The following ADAMTSL1 variants were observed in gnomAD, a reference collection of about 807,000 sequenced individuals.
ADAMTSL1 encodes ADAMTS-like protein 1.
Under a neutral mutation model 201.8 loss-of-function variants are expected in ADAMTSL1, and 126 were observed. The ratio of observed to expected loss-of-function variants is 0.62; its 90% CI spans 0.54 to 0.72. The LOEUF (loss-of-function observed/expected upper bound fraction) is 0.72, where lower values mean the gene tolerates loss of function less well. ADAMTSL1 is among the 30% of genes least tolerant of loss of function. The pLI is 0.00. For missense variants in ADAMTSL1, 2,679 were observed against 2,277.8 expected (o/e 1.18, Z -3.59); for synonymous variants, 1,121 against 903.4 (o/e 1.24, Z -4.32).
intron 1 of ADAMTSL1, among the ~76,000 whole-genome samples, chr9:17,986,088 A>G (rs1385504469): frequency 6.6e-6 from 1 of 152,110 alleles, no homozygotes; most frequent in Non-Finnish European, 1.5e-5. Context: ...GCCAACAAAT[A>G]CCAATTCAGT....
intron 20 of ADAMTSL1, among the ~76,000 whole-genome samples, chr9:18,804,225 A>AT (rs1401044154): frequency 6.6e-6 from 1 of 152,172 alleles, no homozygotes; most frequent in Non-Finnish European, 1.5e-5. Context: ...ACTCTGTTGT[A>AT]TTTTGGGGAA....
intron 22 of ADAMTSL1, among the ~76,000 whole-genome samples, chr9:18,828,025 A>G (rs77285124): frequency 6.6e-6 from 1 of 152,176 alleles, no homozygotes; most frequent in Non-Finnish European, 1.5e-5. Flanking sequence ...CTGAGATTTC[A>G]CCCCAAGTTC....
chr9:17,926,526 C>T (rs570504268), intron 1 of ADAMTSL1, among the ~76,000 whole-genome samples: 31 of 152,114 alleles, frequency 2.0e-4, no homozygotes, highest in Non-Finnish European at 3.8e-4. Flanking sequence ...GAGAGTGCTG[C>T]TCTAAATAAA....
chr9:18,865,914 C>G (rs979422798), intron 23 of ADAMTSL1, among the ~76,000 whole-genome samples: 8 of 151,896 alleles, frequency 5.3e-5, no homozygotes, highest in Non-Finnish European at 1.0e-4. Flanking sequence ...GGAAATGCTC[C>G]GCATATACGT....
chr9:18,018,207 G>A (rs1820336288), intron 1 of ADAMTSL1, among the ~76,000 whole-genome samples: 1 of 152,108 alleles, frequency 6.6e-6, no homozygotes. Context: ...GATAATCACA[G>A]TAGTGGTGAT....
intron 1 of ADAMTSL1, among the ~76,000 whole-genome samples, chr9:18,031,153 A>G (rs1012123569): frequency 4.6e-5 from 7 of 152,112 alleles, no homozygotes; most frequent in Non-Finnish European, 1.0e-4. Context: ...TTCTATGTCT[A>G]TGCTTCAGAC....
At chr9:17,983,313 C>T (rs762030232) in intron 1 of ADAMTSL1, among the ~76,000 whole-genome samples, 6 of 152,000 alleles carry the variant, frequency 3.9e-5, no homozygotes, top group Non-Finnish European at 7.4e-5. Context: ...TTGTGATCTG[C>T]CCGCCTCAGC....
chr9:18,220,454 A>G lies in ADAMTSL1; in HGVS notation c.207+56473A>G, dbSNP rs952269736. 3.3e-5 allele frequency among the ~76,000 whole-genome samples: 5 copies of G among 151,968 alleles called. No homozygotes were observed. In the South Asian group the frequency reaches 8.3e-4, roughly 25 times the overall value. ...ATAGCTATACAAACTTTTTATTGTC[A>G]TTTTGTCTGTTTTTTAAAATTTTTC... On this transcript the variant is annotated intron_variant, in intron 2 of 29. Coordinates refer to the ADAMTSL1 transcript ENST00000680146.
intron 2 of ADAMTSL1, among the ~76,000 whole-genome samples, chr9:18,252,179 G>C (rs190274928): frequency 1.6e-4 from 24 of 151,932 alleles, no homozygotes; most frequent in African/African-American, 4.8e-4. Context: ...AAAAATGAAG[G>C]GTTAGTATCC....
rs369512207 is a variant in ADAMTSL1 at position 18,724,240 on chromosome 9, A to G, written c.2006+2575A>G. Among the ~76,000 whole-genome samples, 104 of 152,332 alleles carry G rather than the reference A, an allele frequency of 6.8e-4. No homozygotes were observed. The South Asian group carries it at 0.021, about 31-fold the overall frequency. On this transcript the variant is annotated intron_variant, in intron 15 of 28. Coordinates refer to ENST00000380548, the MANE Select transcript of ADAMTSL1 (RefSeq NM_001040272.6). ...GCTTTCCCAGGCAGTTGTTAGTCCC[A>G]CTGAACACCAGTTAGGGAGCCACTT... is the stretch of plus-strand genomic sequence containing the variant.
chr9:18,386,055 A>T (rs528605802), intron 2 of ADAMTSL1, among the ~76,000 whole-genome samples: 2 of 152,346 alleles, frequency 1.3e-5, no homozygotes, highest in Admixed American at 1.3e-4. Flanking sequence ...CCATTAATTC[A>T]TCATATCTGT....
chr9:18,626,452 A>C (rs1350922660), intron 5 of ADAMTSL1, among the ~76,000 whole-genome samples: 1 of 152,234 alleles, frequency 6.6e-6, no homozygotes, highest in Non-Finnish European at 1.5e-5. Context: ...AGAGAAAAGC[A>C]AGTGCAGACG....
At position 18,281,693 on chromosome 9, in the gene ADAMTSL1, C is replaced by T. The variant is rs150636414; in HGVS notation, c.207+117712C>T. Among the ~76,000 whole-genome samples, 299 of 152,266 alleles carry T rather than the reference C, an allele frequency of 2.0e-3. 1 individual carries two copies. The highest frequency in any genetic ancestry group is 6.6e-3 in the African/African-American group (274 of 41,536). On this transcript the variant is annotated intron_variant, in intron 2 of 29. Transcript: ENST00000680146. ...CTCAAAGGGCTCAGACAACCTGTTCCGGGACCATTGTTTGTGTCCATGTTC... is the reference window on the plus strand; with the variant it reads ...CTCAAAGGGCTCAGACAACCTGTTCTGGGACCATTGTTTGTGTCCATGTTC...
intron 2 of ADAMTSL1, among the ~76,000 whole-genome samples, chr9:18,249,825 G>C (rs1197636632): frequency 6.6e-6 from 1 of 152,148 alleles, no homozygotes; most frequent in East Asian, 1.9e-4. Flanking sequence ...AGAGTTCAGG[G>C]CAGAGAGGTT....
At chr9:18,600,025 G>A (rs566089781) in intron 4 of ADAMTSL1, among the ~76,000 whole-genome samples, 214 of 146,700 alleles carry the variant, frequency 1.5e-3, no homozygotes, top group African/African-American at 5.2e-3. Context: ...AAAAAAATTC[G>A]GATCTGCAGC....
At chr9:18,001,236 A>T (rs990890245) in intron 1 of ADAMTSL1, among the ~76,000 whole-genome samples, 1 of 152,104 alleles carries the variant, frequency 6.6e-6, no homozygotes, top group South Asian at 2.1e-4. Context: ...AGATTGCAAT[A>T]ATAAGCCCAA....
chr9:18,260,367 T>A (rs927736572), intron 2 of ADAMTSL1, among the ~76,000 whole-genome samples: 1 of 152,236 alleles, frequency 6.6e-6, no homozygotes, highest in Non-Finnish European at 1.5e-5. Context: ...TAGAAGCCCA[T>A]AAAGATTATT....
intron 23 of ADAMTSL1, among the ~76,000 whole-genome samples, chr9:18,864,496 A>C (rs1191235077): frequency 6.6e-6 from 1 of 152,216 alleles, no homozygotes; most frequent in African/African-American, 2.4e-5. Flanking sequence ...ATCAACAAAA[A>C]ATCCACTATA....
chr9:18,043,586 G>A (rs974640309), intron 1 of ADAMTSL1, among the ~76,000 whole-genome samples: 3 of 151,960 alleles, frequency 2.0e-5, no homozygotes, highest in African/African-American at 7.3e-5. Context: ...CCCAGAGCCT[G>A]TGCTTATGGA....
Sources: gnomAD v4.1 joint callset for allele counts (sites outside exome capture counted in the v4.1 genomes callset) on GRCh38, gnomAD v4.1.1 for gene constraint, MANE v1.5 for transcripts, NCBI Gene and HGNC (gene_info 2026-07-23, HGNC 2026-07-21) for gene names.